GPC5: variants seen among roughly 807,000 people sequenced by gnomAD.
GPC5 encodes glypican 5, also known as glypican-5.
GPC5 carries 47 observed loss-of-function variants against 53.9 expected under a neutral mutation model. The ratio of observed to expected loss-of-function variants is 0.87; its 90% CI spans 0.69 to 1.11. The LOEUF (loss-of-function observed/expected upper bound fraction) is 1.11. Among genes scored for constraint, GPC5 ranks in the 50% most tolerant of loss-of-function variants. The pLI is 0.00. For missense variants in GPC5, 748 were observed against 713.1 expected, an observed-to-expected ratio of 1.05 and a Z score of -0.56; for synonymous variants, 286 against 263.3, an observed-to-expected ratio of 1.09 and a Z score of -0.84.
chr13:91,582,971 A>G (rs1287166613), intron 2 of GPC5, among the ~76,000 whole-genome samples: 1 of 152,186 alleles, frequency 6.6e-6, no homozygotes, highest in Non-Finnish European at 1.5e-5. Flanking sequence ...ACTGCACCCC[A>G]GCCTGTTTAA....
chr13:92,314,171 T>C (rs896675660), intron 7 of GPC5, among the ~76,000 whole-genome samples: 2 of 152,156 alleles, frequency 1.3e-5, no homozygotes, highest in Admixed American at 6.6e-5. Context: ...TTTTCTTGAA[T>C]TTTCTTGGAA....
intron 7 of GPC5, among the ~76,000 whole-genome samples, chr13:92,405,648 T>C (rs1021403307): frequency 2.0e-5 from 3 of 152,196 alleles, no homozygotes; most frequent in African/African-American, 7.2e-5. Flanking sequence ...TATTTAAAGC[T>C]CCTAATATTC....
chr13:91,600,469 G>C (rs2033146221), intron 2 of GPC5, among the ~76,000 whole-genome samples: 1 of 151,138 alleles, frequency 6.6e-6, no homozygotes, highest in Non-Finnish European at 1.5e-5. Context: ...GCAACAGAGT[G>C]AGATTCTATC....
intron 7 of GPC5, among the ~76,000 whole-genome samples, chr13:92,615,471 A>C (rs1235648188): frequency 6.6e-6 from 1 of 152,164 alleles, no homozygotes; most frequent in Non-Finnish European, 1.5e-5. Flanking sequence ...CAGTGACGAC[A>C]AAAGGAGCTT....
chr13:91,572,055 A>T (rs867886100), intron 2 of GPC5, among the ~76,000 whole-genome samples: 1 of 130,900 alleles, frequency 7.6e-6, no homozygotes, highest in African/African-American at 3.8e-5. Context: ...ACACATATGT[A>T]TATATACATG....
intron 7 of GPC5, among the ~76,000 whole-genome samples, chr13:92,259,030 G>A (rs1038826588): frequency 1.3e-5 from 2 of 152,148 alleles, no homozygotes; most frequent in African/African-American, 4.8e-5. Context: ...TACCATTCAA[G>A]GGAGTATAAA....
At chr13:92,380,490 A>G (rs925894999) in intron 7 of GPC5, among the ~76,000 whole-genome samples, 5 of 152,096 alleles carry the variant, frequency 3.3e-5, no homozygotes, top group Admixed American at 6.5e-5. Context: ...CATTGTTTGC[A>G]TGTTTGTGGC....
rs762034739 is a variant in GPC5 at position 91,693,665 on chromosome 13, G to A, written c.804G>A (p.Lys268=). 1.9e-6 allele frequency: 3 copies of A among 1,614,124 alleles called. No individual in the cohort carries two copies. The highest frequency in any genetic ancestry group is 2.5e-6 in the Non-Finnish European group (3 of 1,180,004). ...CPHCQGLALT[K]PCMGYCLNVM... is the part of the protein sequence containing the mutation. ...ACTGCCAAGGCCTGGCGCTCACTAAGCCTTGTATGGGATACTGCCTCAATG... is the reference window on the plus strand; with the variant it reads ...ACTGCCAAGGCCTGGCGCTCACTAAACCTTGTATGGGATACTGCCTCAATG... The change falls in exon 3 of 8, where the codon AAG becomes AAA. Residue 268 remains lysine, a synonymous_variant. Coordinates refer to ENST00000377067, the MANE Select transcript of GPC5 (RefSeq NM_004466.6).
intron 3 of GPC5, among the ~76,000 whole-genome samples, chr13:91,704,800 C>T (rs1430624454): frequency 2.6e-5 from 4 of 152,338 alleles, no homozygotes; most frequent in South Asian, 2.1e-4. Context: ...ACCCTAACCC[C>T]TTCCTAATTG....
At chr13:91,486,081 T>C (rs1260307196) in intron 2 of GPC5, 1 of 152,230 alleles carries the variant, frequency 6.6e-6, no homozygotes, top group Non-Finnish European at 1.5e-5. Context: ...AGGCTCAGGA[T>C]AACTTAAAGT....
chr13:92,447,467 A>T (rs994640372), intron 7 of GPC5: 1 of 152,100 alleles, frequency 6.6e-6, no homozygotes, highest in East Asian at 1.9e-4. Context: ...CCACAATAAG[A>T]ATAGAAGCTT....
chr13:91,870,373 C>A (rs542351638), intron 5 of GPC5, among the ~76,000 whole-genome samples: 2 of 152,288 alleles, frequency 1.3e-5, no homozygotes, highest in African/African-American at 4.8e-5. Flanking sequence ...AAGAGTGAAG[C>A]ATGGTAAGTT....
At chr13:92,685,176 C>G (rs1887225040) in intron 7 of GPC5, among the ~76,000 whole-genome samples, 1 of 152,096 alleles carries the variant, frequency 6.6e-6, no homozygotes, top group African/African-American at 2.4e-5. Context: ...ACTGCAACCT[C>G]CATCTCACGG....
intron 2 of GPC5, among the ~76,000 whole-genome samples, chr13:91,644,015 CT>C (rs1414853514): frequency 2.0e-5 from 3 of 151,032 alleles, no homozygotes; most frequent in Non-Finnish European, 4.4e-5. Context: ...TATGTTAAGA[CT>C]TCAACATATG....
At chr13:92,005,440 T>G (rs1315935553) in intron 6 of GPC5, among the ~76,000 whole-genome samples, 1 of 152,116 alleles carries the variant, frequency 6.6e-6, no homozygotes, top group Non-Finnish European at 1.5e-5. Context: ...GCCCTCAGCT[T>G]CAGGTCCTCA....
intron 7 of GPC5, among the ~76,000 whole-genome samples, chr13:92,279,457 T>C (rs933899995): frequency 2.0e-5 from 3 of 152,084 alleles, no homozygotes; most frequent in African/African-American, 4.8e-5. Flanking sequence ...ACTTCTTTTC[T>C]AATATGTCTG....
At chr13:92,307,916 T>A (rs1017858961) in intron 7 of GPC5, among the ~76,000 whole-genome samples, 1 of 152,262 alleles carries the variant, frequency 6.6e-6, no homozygotes, top group Admixed American at 6.5e-5. Flanking sequence ...TGTCCATGTT[T>A]AATACACCTA....
At chr13:91,831,048 T>C (rs971182504) in intron 5 of GPC5, among the ~76,000 whole-genome samples, 2 of 139,470 alleles carry the variant, frequency 1.4e-5, no homozygotes, top group Admixed American at 7.8e-5. Context: ...ATATATTATA[T>C]ATATCCTATT....
chr13:92,443,178 T>C (rs1268090872), intron 7 of GPC5, among the ~76,000 whole-genome samples: 1 of 151,938 alleles, frequency 6.6e-6, no homozygotes, highest in Non-Finnish European at 1.5e-5. Context: ...GGGGAGGAAG[T>C]CCCAGGCTCT....
Sources: allele counts gnomAD v4.1 joint callset (sites outside exome capture counted in the v4.1 genomes callset), GRCh38; gene constraint gnomAD v4.1.1; transcripts MANE v1.5; gene names NCBI Gene and HGNC (gene_info 2026-07-23, HGNC 2026-07-21).